ATL1: variants seen among roughly 807,000 people sequenced by gnomAD.
ATL1 encodes the protein atlastin GTPase 1.
ATL1 carries 31 observed loss-of-function variants against 75.5 expected under a neutral mutation model. The ratio of observed to expected loss-of-function variants is 0.41; its 90% CI spans 0.31 to 0.55. ATL1 has a LOEUF of 0.55. Among genes scored for constraint, ATL1 ranks in the 20% least tolerant of loss-of-function variants. ATL1 has a pLI of 0.27. For synonymous variants in ATL1, 226 were observed against 233.3 expected, an observed-to-expected ratio of 0.97 and a Z score of 0.28; for missense variants, 405 against 662.6, an observed-to-expected ratio of 0.61 and a Z score of 4.27.
At chr14:50,585,948 A>G (rs1318497499) in intron 1 of ATL1, among the ~76,000 whole-genome samples, 1 of 152,188 alleles carries the variant, frequency 6.6e-6, no homozygotes, top group African/African-American at 2.4e-5. Context: ...GTAGTGGTGT[A>G]TACTTATCTC....
chr14:50,578,202 G>GT (rs1204106660), intron 1 of ATL1, among the ~76,000 whole-genome samples: 1 of 152,112 alleles, frequency 6.6e-6, no homozygotes, highest in Non-Finnish European at 1.5e-5. Flanking sequence ...AAGCATCTCA[G>GT]TATTTGATAC....
intron 1 of ATL1, among the ~76,000 whole-genome samples, chr14:50,538,757 A>T (rs1012015425): frequency 6.6e-6 from 1 of 152,188 alleles, no homozygotes. Context: ...ACTGTTGCTA[A>T]TCTCAGGATT....
At chr14:50,545,962 C>G (rs1463773976) in intron 1 of ATL1, among the ~76,000 whole-genome samples, 1 of 152,152 alleles carries the variant, frequency 6.6e-6, no homozygotes, top group East Asian at 1.9e-4. Context: ...CTCTATTTCT[C>G]TCTTTTCTTT....
chr14:50,632,220 T>C lies in ATL1; in HGVS notation c.1567-9T>C. On this transcript the variant is annotated splice_polypyrimidine_tract_variant and intron_variant, in intron 13 of 13. Coordinates refer to ENST00000358385, the MANE Select transcript of ATL1 (RefSeq NM_015915.5). ...AAAATGTTTTATAATTTTGATGCTT[T>C]TATTCTAGGCTTTGTACAAGCTTTA... 1 of 1,597,114 alleles carries C rather than the reference T, an allele frequency of 6.3e-7. No individual in the cohort carries two copies. Among genetic ancestry groups the C allele is most frequent in the Non-Finnish European group, 8.5e-7 (1 of 1,170,400 alleles).
At chr14:50,544,819 T>C (rs555790248) in intron 1 of ATL1, among the ~76,000 whole-genome samples, 6 of 150,312 alleles carry the variant, frequency 4.0e-5, no homozygotes, top group Non-Finnish European at 8.8e-5. Flanking sequence ...ACGCTATAAA[T>C]GCAGCTACTC....
At chr14:50,578,539 G>T (rs906330730) in intron 1 of ATL1, among the ~76,000 whole-genome samples, 1 of 151,990 alleles carries the variant, frequency 6.6e-6, no homozygotes, top group Non-Finnish European at 1.5e-5. Flanking sequence ...TTTTCAACCT[G>T]CTCCATGCAT....
intron 7 of ATL1, 29 bp from the exon 8 acceptor site, chr14:50,614,344 A>T (rs747415606): frequency 6.2e-7 from 1 of 1,612,238 alleles, no homozygotes; most frequent in South Asian, 1.1e-5. Flanking sequence ...TGATGAAAGT[A>T]GTTTAAACTT....
intron 1 of ATL1, among the ~76,000 whole-genome samples, chr14:50,574,971 A>ATC (rs1555363084): frequency 1.0e-4 from 13 of 129,596 alleles, no homozygotes; most frequent in African/African-American, 3.9e-4. Flanking sequence ...ATATATATAT[A>ATC]TATATTAGCT....
chr14:50,597,455 T>C (rs1377753692), intron 6 of ATL1, among the ~76,000 whole-genome samples: 1 of 151,978 alleles, frequency 6.6e-6, no homozygotes, highest in Non-Finnish European at 1.5e-5. Context: ...GATAAAACTA[T>C]TTAAAAAGCA....
chr14:50,590,824 G>A, intron 2 of ATL1, 117 bp from the exon 3 acceptor site: 1 of 1,009,366 alleles, frequency 9.9e-7, no homozygotes, highest in Non-Finnish European at 1.5e-6. Context: ...TGCAATAGAT[G>A]TGCATATGTT....
chr14:50,624,284 G>A (rs568299127), intron 11 of ATL1, among the ~76,000 whole-genome samples: 14 of 152,150 alleles, frequency 9.2e-5, no homozygotes, highest in African/African-American at 3.4e-4. Flanking sequence ...CAAGTCTATT[G>A]ACGCCCTTTC....
intron 1 of ATL1, among the ~76,000 whole-genome samples, chr14:50,580,734 G>C (rs948234014): frequency 5.3e-5 from 8 of 152,196 alleles, no homozygotes; most frequent in African/African-American, 1.9e-4. Context: ...AATAAGTTGA[G>C]AATGGTCTCT....
chr14:50,593,825 T>C, intron 4 of ATL1, 21 bp from the exon 5 acceptor site: 3 of 1,513,582 alleles, frequency 2.0e-6, no homozygotes, highest in African/African-American at 1.4e-5. Context: ...CTTATCATTG[T>C]AATTTTATTT....
At chr14:50,620,405 G>A (rs906921413) in intron 8 of ATL1, among the ~76,000 whole-genome samples, 194 bp from the exon 9 acceptor site, 2 of 152,106 alleles carry the variant, frequency 1.3e-5, no homozygotes, top group South Asian at 4.1e-4. Context: ...ATATGAAACG[G>A]GAGTGGAAAT....
chr14:50,620,918 T>C (rs1334564709), intron 9 of ATL1, among the ~76,000 whole-genome samples, 192 bp downstream of exon 9: 1 of 152,216 alleles, frequency 6.6e-6, no homozygotes, highest in Non-Finnish European at 1.5e-5. Flanking sequence ...GAAATTATTC[T>C]TTTGAGGAAA....
intron 6 of ATL1, among the ~76,000 whole-genome samples, chr14:50,607,998 CA>C (rs1287408544): frequency 6.6e-6 from 1 of 152,006 alleles, no homozygotes; most frequent in Non-Finnish European, 1.5e-5. Context: ...ATATAGTCTC[CA>C]AAGGGACGCT....
At chr14:50,601,977 T>C (rs1427803993) in intron 6 of ATL1, among the ~76,000 whole-genome samples, 2 of 152,228 alleles carry the variant, frequency 1.3e-5, no homozygotes, top group African/African-American at 4.8e-5. Flanking sequence ...TGGTATGTTA[T>C]GAGTTTTTCT....
At chr14:50,589,155 CTTT>C (rs34191629) in intron 2 of ATL1, among the ~76,000 whole-genome samples, 2 of 109,398 alleles carry the variant, frequency 1.8e-5, no homozygotes, top group Admixed American at 1.0e-4. Context: ...TTCTTTCTTT[CTTT>C]TTTTTTTTTT....
At chr14:50,535,935 C>G (rs571694267) in intron 1 of ATL1, among the ~76,000 whole-genome samples, 1 of 152,170 alleles carries the variant, frequency 6.6e-6, no homozygotes, top group South Asian at 2.1e-4. Context: ...ATAACTCTCA[C>G]GAGACCTGAT....
Sources: gnomAD v4.1 joint callset for allele counts (sites outside exome capture counted in the v4.1 genomes callset) on GRCh38, gnomAD v4.1.1 for gene constraint, MANE v1.5 for transcripts, NCBI Gene and HGNC (gene_info 2026-07-23, HGNC 2026-07-21) for gene names.